Variants in ASTN2 observed in about 807,000 individuals in gnomAD.
ASTN2 encodes astrotactin 2.
In ASTN2, 54 loss-of-function variants were observed where a neutral mutation model predicts 139.8. The observed-to-expected ratio is 0.39, with a 90% confidence interval of 0.31 to 0.48. The LOEUF is 0.48. Ranked by LOEUF, ASTN2 falls within the 20% of genes least tolerant of loss-of-function variation. The pLI, the probability that ASTN2 is intolerant of heterozygous loss-of-function variation, is 0.95. For synonymous variants in ASTN2, 756 were observed against 719.5 expected, an observed-to-expected ratio of 1.05 and a Z score of -0.81; for missense variants, 1,565 against 1,725.1, an observed-to-expected ratio of 0.91 and a Z score of 1.64.
At chr9:116,852,246 C>T (rs953227466) in intron 11 of ASTN2, among the ~76,000 whole-genome samples, 6 of 152,182 alleles carry the variant, frequency 3.9e-5, no homozygotes, top group Admixed American at 2.6e-4. Flanking sequence ...TCATGCCTGG[C>T]TACTTTCACT....
At chr9:116,478,256 A>AGGG in intron 20 of ASTN2, among the ~76,000 whole-genome samples, 1 of 138,194 alleles carries the variant, frequency 7.2e-6, no homozygotes, top group Admixed American at 7.2e-5. Flanking sequence ...GGAGGGAGGG[A>AGGG]AGGAAGGAAG....
chr9:117,220,911 G>A (rs1451102287), intron 2 of ASTN2, among the ~76,000 whole-genome samples: 1 of 152,198 alleles, frequency 6.6e-6, no homozygotes, highest in East Asian at 1.9e-4. Flanking sequence ...TTCAGGTTGA[G>A]GTGAGGCTTT....
At chr9:117,174,989 C>T (rs1360893927) in intron 3 of ASTN2, among the ~76,000 whole-genome samples, 3 of 151,782 alleles carry the variant, frequency 2.0e-5, no homozygotes, top group Non-Finnish European at 4.4e-5. Flanking sequence ...AGCATTAGAA[C>T]AAGATAATTC....
chr9:116,767,908 T>C (rs531574906), intron 13 of ASTN2, among the ~76,000 whole-genome samples: 1 of 152,288 alleles, frequency 6.6e-6, no homozygotes, highest in South Asian at 2.1e-4. Flanking sequence ...AAAGTACTAA[T>C]TACTTCCATA....
chr9:117,337,867 C>A (rs1402987990), intron 1 of ASTN2, among the ~76,000 whole-genome samples: 1 of 152,122 alleles, frequency 6.6e-6, no homozygotes, highest in African/African-American at 2.4e-5. Flanking sequence ...GTGCTCATGA[C>A]CTCGGGCAAG....
intron 10 of ASTN2, among the ~76,000 whole-genome samples, chr9:116,870,323 T>C (rs970845483): frequency 2.0e-5 from 3 of 152,234 alleles, no homozygotes; most frequent in Non-Finnish European, 4.4e-5. Flanking sequence ...GGGAACAATA[T>C]CTGTCTAATT....
At chr9:116,603,323 TATAAAAGATCATG>T (rs1316794407) in intron 19 of ASTN2, among the ~76,000 whole-genome samples, 1 of 152,174 alleles carries the variant, frequency 6.6e-6, no homozygotes, top group Non-Finnish European at 1.5e-5. Flanking sequence ...AAACTGACAG[TATAAAAGATCATG>T]GTCAAAGAGT....
At chr9:116,651,841 T>C in intron 16 of ASTN2, 48 bp from the exon 17 acceptor site, 1 of 1,590,796 alleles carries the variant, frequency 6.3e-7, no homozygotes, top group Non-Finnish European at 8.6e-7. Context: ...TCAGGATTAT[T>C]CAAAAGGCCA....
chr9:116,646,888 C>G (rs995012273), intron 17 of ASTN2, among the ~76,000 whole-genome samples: 5 of 152,184 alleles, frequency 3.3e-5, no homozygotes, highest in African/African-American at 1.2e-4. Flanking sequence ...TTCTGCCTGA[C>G]TTCTCTTCAG....
intron 5 of ASTN2, among the ~76,000 whole-genome samples, chr9:117,078,818 C>A (rs1283399715): frequency 1.3e-5 from 2 of 152,200 alleles, no homozygotes; most frequent in Non-Finnish European, 2.9e-5. Flanking sequence ...TCACTGCAAC[C>A]TCCACCTCCC....
At chr9:116,650,409 A>G (rs1204302820) in intron 17 of ASTN2, among the ~76,000 whole-genome samples, 1 of 152,198 alleles carries the variant, frequency 6.6e-6, no homozygotes, top group Admixed American at 6.5e-5. Context: ...AAGAAGCAAT[A>G]ATTTCATGGC....
At chr9:117,382,189 T>A (rs1188973372) in intron 1 of ASTN2, among the ~76,000 whole-genome samples, 1 of 152,076 alleles carries the variant, frequency 6.6e-6, no homozygotes, top group Non-Finnish European at 1.5e-5. Context: ...GGTGCCCAGT[T>A]GTAGGAGTCC....
At chr9:116,824,027 C>A (rs1831557453) in intron 11 of ASTN2, among the ~76,000 whole-genome samples, 1 of 152,190 alleles carries the variant, frequency 6.6e-6, no homozygotes, top group Admixed American at 6.5e-5. Context: ...AGCCATCTGG[C>A]ACACAGTTGG....
intron 17 of ASTN2, among the ~76,000 whole-genome samples, chr9:116,635,901 A>T (rs531329228): frequency 5.9e-4 from 90 of 152,336 alleles, no homozygotes; most frequent in African/African-American, 2.1e-3. Context: ...CCAGTTTCCA[A>T]GGGGCTGAGA....
intron 10 of ASTN2, among the ~76,000 whole-genome samples, chr9:116,927,991 A>C (rs996103485): frequency 1.6e-4 from 24 of 152,168 alleles, no homozygotes; most frequent in Admixed American, 1.4e-3. Flanking sequence ...AACAACCCAC[A>C]GTATCTCCTC....
intron 13 of ASTN2, among the ~76,000 whole-genome samples, chr9:116,779,869 C>G (rs1435952118): frequency 6.6e-6 from 1 of 152,178 alleles, no homozygotes; most frequent in East Asian, 1.9e-4. Context: ...TCAGCCTTTC[C>G]TTCAACTATT....
At chr9:116,768,179 G>C (rs1345954575) in intron 13 of ASTN2, among the ~76,000 whole-genome samples, 3 of 152,180 alleles carry the variant, frequency 2.0e-5, no homozygotes, top group Non-Finnish European at 4.4e-5. Flanking sequence ...TTGAAAAAGA[G>C]TTATGTCACT....
chr9:117,220,629 C>T (rs968294310), intron 2 of ASTN2, among the ~76,000 whole-genome samples: 4 of 152,054 alleles, frequency 2.6e-5, no homozygotes, highest in Non-Finnish European at 2.9e-5. Context: ...CAAGGAATGC[C>T]GATGGTCATC....
intron 22 of ASTN2, among the ~76,000 whole-genome samples, chr9:116,428,144 A>G (rs979451678): frequency 2.0e-5 from 3 of 152,366 alleles, no homozygotes; most frequent in Admixed American, 6.5e-5. Context: ...GTACTTAAGT[A>G]GGATCAAGGA....
Sources: allele counts gnomAD v4.1 joint callset (sites outside exome capture counted in the v4.1 genomes callset), GRCh38; gene constraint gnomAD v4.1.1; transcripts MANE v1.5; gene names NCBI Gene and HGNC (gene_info 2026-07-23, HGNC 2026-07-21).